ATG4C: variants seen among roughly 807,000 people sequenced by gnomAD.
ATG4C encodes autophagy related 4C cysteine peptidase.
In ATG4C, 56 loss-of-function variants were observed where a neutral mutation model predicts 57.6. The observed-to-expected ratio is 0.97, with a 90% CI of 0.78 to 1.21. The LOEUF is 1.21. ATG4C is among the 50% of genes most tolerant of loss of function. ATG4C has a pLI of 0.00. For synonymous variants in ATG4C, 157 were observed against 174.1 expected, an observed-to-expected ratio of 0.90 and a Z score of 0.78; for missense variants, 595 against 529.8, an observed-to-expected ratio of 1.12 and a Z score of -1.21.
chr1:62,816,752 T>G lies in ATG4C; in HGVS notation c.338T>G (p.Leu113Trp). The part of the protein sequence containing the change: ...LTTDCGWGCT[L>W]RTGQMLLAQG... Reference sequence around the variant, plus strand: ...ACAGACTGTGGGTGGGGCTGCACATTGAGAACTGGCCAGATGCTCTTGGCT... The same window carrying G: ...ACAGACTGTGGGTGGGGCTGCACATGGAGAACTGGCCAGATGCTCTTGGCT... Residue 113 changes from leucine (L) to tryptophan (W), a missense_variant, in exon 4 of 11, where the codon TTG (leucine) becomes TGG (tryptophan). Coordinates refer to ENST00000317868, the MANE Select transcript of ATG4C (RefSeq NM_032852.4). The G allele has an allele frequency of 6.2e-7, 1 of 1,613,240 alleles. No individual in the cohort carries two copies. The highest frequency in any genetic ancestry group is 8.5e-7 in the Non-Finnish European group (1 of 1,179,578).
chr1:62,808,792 A>G lies in ATG4C; in HGVS notation c.160+3537A>G, dbSNP rs77346818. Reference sequence around the variant, plus strand: ...TAGAGTGGTACGAATAGAAAGTAAAAGCAGTCATATTAACAGCAGCTAGTC... The same window carrying G: ...TAGAGTGGTACGAATAGAAAGTAAAGGCAGTCATATTAACAGCAGCTAGTC... On this transcript the variant is annotated intron_variant, in intron 3 of 10. Coordinates refer to ENST00000317868, the MANE Select transcript of ATG4C (RefSeq NM_032852.4). Among the ~76,000 whole-genome samples, 1,205 of 152,318 alleles carry G rather than the reference A, an allele frequency of 7.9e-3. 14 individuals carry two copies. The highest frequency in any genetic ancestry group is 0.027 in the African/African-American group (1,133 of 41,570).
intron 10 of ATG4C, among the ~76,000 whole-genome samples, chr1:62,852,446 T>G (rs1324905614): frequency 6.6e-6 from 1 of 152,242 alleles, no homozygotes; most frequent in African/African-American, 2.4e-5. Context: ...GTAATGTGCT[T>G]ATTCTGCAGT....
chr1:62,813,200 C>T (rs1029609720), intron 3 of ATG4C, among the ~76,000 whole-genome samples: 1 of 152,176 alleles, frequency 6.6e-6, no homozygotes, highest in Non-Finnish European at 1.5e-5. Context: ...CTGGAGGCAT[C>T]ACACTACCTG....
chr1:62,813,153 C>T (rs192312327), intron 3 of ATG4C, among the ~76,000 whole-genome samples: 15 of 152,238 alleles, frequency 9.9e-5, no homozygotes, highest in South Asian at 2.1e-4. Flanking sequence ...AAAAAGAGCT[C>T]GCGTAGCCAA....
intron 3 of ATG4C, among the ~76,000 whole-genome samples, chr1:62,805,762 A>C (rs2100298669): frequency 6.6e-6 from 1 of 152,312 alleles, no homozygotes; most frequent in East Asian, 1.9e-4. Context: ...TCTCACAAGA[A>C]ACCTACAAGG....
At chr1:62,841,713 T>C (rs3737893) in intron 10 of ATG4C, among the ~76,000 whole-genome samples, 166 bp downstream of exon 10, 69,253 of 151,968 alleles carry the variant, frequency 0.46, 15,916 homozygotes, top group East Asian at 0.67. Context: ...TGAGGAATCT[T>C]AGCGTTTGAG....
At chr1:62,862,466 A>C (rs528421759) in intron 10 of ATG4C, among the ~76,000 whole-genome samples, 20 of 152,270 alleles carry the variant, frequency 1.3e-4, no homozygotes, top group Non-Finnish European at 2.9e-4. Flanking sequence ...TAAAAATGAC[A>C]ACAGTTTTTG....
intron 7 of ATG4C, among the ~76,000 whole-genome samples, chr1:62,831,463 G>A (rs1274328650): frequency 6.6e-6 from 1 of 152,014 alleles, no homozygotes; most frequent in Non-Finnish European, 1.5e-5. Context: ...CAGAGATAGT[G>A]CCAACATAGC....
intron 3 of ATG4C, among the ~76,000 whole-genome samples, chr1:62,807,509 G>A (rs1664920210): frequency 6.6e-6 from 1 of 152,214 alleles, no homozygotes; most frequent in South Asian, 2.1e-4. Flanking sequence ...CTCTGGGCAA[G>A]GGAAGAGGAG....
chr1:62,819,329 T>A lies in ATG4C; in HGVS notation c.719T>A (p.Ile240Asn), dbSNP rs1363823721. Reference protein sequence around the residue: ...DWYGPAVVAHILRKAVEEARH... With the variant: ...DWYGPAVVAHNLRKAVEEARH... ...TATGGACCAGCTGTGGTTGCTCACA[T>A]TTTAAGGTAAAATTGTTTTAAAATC... Residue 240 changes from isoleucine (I) to asparagine (N), a missense_variant, in exon 5 of 11, where the codon ATT (isoleucine) becomes AAT (asparagine). Coordinates refer to ENST00000317868, the MANE Select transcript of ATG4C (RefSeq NM_032852.4). 1.9e-6 allele frequency: 3 copies of A among 1,575,600 alleles called. No homozygotes were observed. The highest frequency in any genetic ancestry group is 1.7e-6 in the Non-Finnish European group (2 of 1,166,540).
chr1:62,815,597 C>T (rs192981337), intron 3 of ATG4C, among the ~76,000 whole-genome samples: 185 of 152,300 alleles, frequency 1.2e-3, no homozygotes, highest in African/African-American at 4.3e-3. Context: ...GTGGTTTAAT[C>T]ATGGCTCAAT....
At chr1:62,851,611 T>G (rs1024473438) in intron 10 of ATG4C, among the ~76,000 whole-genome samples, 1 of 152,020 alleles carries the variant, frequency 6.6e-6, no homozygotes. Context: ...ATCACCAAAC[T>G]TACAATAAAG....
chr1:62,841,352 A>G (rs1666159637), intron 9 of ATG4C, 76 bp from the exon 10 acceptor site: 1 of 1,292,992 alleles, frequency 7.7e-7, no homozygotes, highest in African/African-American at 1.5e-5. Flanking sequence ...AGCTAGATAG[A>G]AAATTTTAAA....
At chr1:62,808,549 G>A (rs1263597946) in intron 3 of ATG4C, among the ~76,000 whole-genome samples, 1 of 152,066 alleles carries the variant, frequency 6.6e-6, no homozygotes, top group East Asian at 1.9e-4. Context: ...TACTGAAGAA[G>A]AAGGATCAGT....
chr1:62,785,371 C>T (rs1426410497), intron 1 of ATG4C: 1 of 152,170 alleles, frequency 6.6e-6, no homozygotes, highest in East Asian at 1.9e-4. Flanking sequence ...CCAGTTCATT[C>T]GCTATAAAAT....
chr1:62,841,774 G>A (rs1666177192), intron 10 of ATG4C, among the ~76,000 whole-genome samples: 1 of 152,110 alleles, frequency 6.6e-6, no homozygotes, highest in African/African-American at 2.4e-5. Context: ...CCACTAGGTG[G>A]CACTGTTGAA....
intron 1 of ATG4C, among the ~76,000 whole-genome samples, chr1:62,802,389 T>A (rs572847451): frequency 8.6e-5 from 13 of 152,028 alleles, no homozygotes; most frequent in African/African-American, 3.1e-4. Context: ...TCAAAGGAAA[T>A]GCTCATTGGA....
chr1:62,818,646 G>T (rs1292955883), intron 4 of ATG4C, among the ~76,000 whole-genome samples: 1 of 151,954 alleles, frequency 6.6e-6, no homozygotes. Flanking sequence ...TTGTTGTCTT[G>T]TACCTTTGTT....
At chr1:62,814,004 A>G (rs368339787) in intron 3 of ATG4C, among the ~76,000 whole-genome samples, 1 of 152,308 alleles carries the variant, frequency 6.6e-6, no homozygotes, top group East Asian at 1.9e-4. Context: ...TGGGAGTTTA[A>G]AGGGAGTTCA....
Sources: gnomAD v4.1 joint callset for allele counts (sites outside exome capture counted in the v4.1 genomes callset) on GRCh38, gnomAD v4.1.1 for gene constraint, MANE v1.5 for transcripts, NCBI Gene and HGNC (gene_info 2026-07-23, HGNC 2026-07-21) for gene names.